The following PIGK variants were observed in gnomAD, a reference collection of about 807,000 sequenced individuals.
The protein encoded by PIGK is GPI-anchor transamidase.
Under a neutral mutation model 50.6 loss-of-function variants are expected in PIGK, and 42 were observed. The ratio of observed to expected loss-of-function variants is 0.83; its 90% CI spans 0.65 to 1.07. The LOEUF (loss-of-function observed/expected upper bound fraction) is 1.07. Ranked by LOEUF, PIGK falls within the 50% of genes least tolerant of loss-of-function variation. The pLI is 0.00. For missense variants in PIGK, 448 were observed against 488.7 expected (o/e 0.92, Z 0.78); for synonymous variants, 151 against 156.0 (o/e 0.97, Z 0.24).
intron 3 of PIGK, among the ~76,000 whole-genome samples, chr1:77,185,728 G>A (rs772712174): frequency 3.9e-5 from 6 of 152,182 alleles, no homozygotes; most frequent in Non-Finnish European, 5.9e-5. Flanking sequence ...TCTGCCACAT[G>A]GGCCATATGA....
intron 10 of PIGK, among the ~76,000 whole-genome samples, chr1:77,096,532 C>T (rs769794891): frequency 6.6e-6 from 1 of 152,168 alleles, no homozygotes. Context: ...AAAAAGCCTA[C>T]ACTTCCAGCT....
intron 3 of PIGK, among the ~76,000 whole-genome samples, chr1:77,191,563 C>G (rs1202757560): frequency 2.0e-5 from 3 of 152,220 alleles, no homozygotes; most frequent in African/African-American, 7.2e-5. Context: ...ATGCAAACAT[C>G]ACTAATATGC....
Position 77,169,297 on chromosome 1 carries a change from T to A in PIGK, c.338A>T (p.Tyr113Phe). The A allele has an allele frequency of 6.3e-7, 1 of 1,591,584 alleles. No homozygotes were observed. Among genetic ancestry groups the A allele is most frequent in the Non-Finnish European group, 8.6e-7 (1 of 1,166,522 alleles). ...ATAATCCACTTCCACATCATCTCCA[T>A]ACACATTTAGTTCCATATTCTTGTG... ...FSHKNMELNV[Y>F]GDDVEVDYRS... Residue 113 changes from tyrosine (Y) to phenylalanine (F), a missense_variant, in exon 4 of 11, where the codon TAT becomes TTT. Tyr to Phe is a conservative substitution (Grantham distance 22, BLOSUM62 3). Coordinates refer to ENST00000370812, the MANE Select transcript of PIGK (RefSeq NM_005482.3).
chr1:77,130,071 T>C (rs1407491772), intron 9 of PIGK, among the ~76,000 whole-genome samples: 1 of 151,764 alleles, frequency 6.6e-6, no homozygotes, highest in Non-Finnish European at 1.5e-5. Flanking sequence ...ATTTGGTTTG[T>C]CTTTTAAAAA....
intron 2 of PIGK, among the ~76,000 whole-genome samples, chr1:77,209,973 C>T (rs1656379104): frequency 6.6e-6 from 1 of 152,012 alleles, no homozygotes; most frequent in Admixed American, 6.6e-5. Context: ...AGGTGAAATT[C>T]ACAAAACAAA....
intron 3 of PIGK, among the ~76,000 whole-genome samples, chr1:77,202,403 C>G (rs773147969): frequency 6.6e-6 from 1 of 152,124 alleles, no homozygotes; most frequent in Non-Finnish European, 1.5e-5. Context: ...TGGATTGAAT[C>G]TGGACATCAG....
chr1:77,186,593 G>C (rs968197873), intron 3 of PIGK, among the ~76,000 whole-genome samples: 1 of 152,182 alleles, frequency 6.6e-6, no homozygotes, highest in Non-Finnish European at 1.5e-5. Context: ...CTCAGCAATG[G>C]GTGACTTCAG....
At chr1:77,148,243 A>T (rs1654814119) in intron 9 of PIGK, among the ~76,000 whole-genome samples, 1 of 152,164 alleles carries the variant, frequency 6.6e-6, no homozygotes. Flanking sequence ...ACCTACATAC[A>T]ATGAGATAAT....
At chr1:77,137,151 A>G (rs796119437) in intron 9 of PIGK, among the ~76,000 whole-genome samples, 3 of 152,302 alleles carry the variant, frequency 2.0e-5, no homozygotes, top group African/African-American at 7.2e-5. Context: ...TGCTTTTGGG[A>G]CCCATGGATA....
In PIGK at chr1:77,206,627, T is replaced by C; in HGVS notation, c.239+13A>G. The C allele has an allele frequency of 1.4e-6, 2 of 1,432,736 alleles. No individual in the cohort carries two copies. The highest frequency in any genetic ancestry group is 2.3e-5 in the South Asian group (2 of 86,550). 88.8% of individuals were successfully genotyped at this position (1,432,736 alleles called of 1,614,324 possible). ...ACTGAAGTTCAAGGTTAAGCTTTATTAAGGCTTCTTACCTGTCAGGAATAC... is the reference window on the plus strand; with the variant it reads ...ACTGAAGTTCAAGGTTAAGCTTTATCAAGGCTTCTTACCTGTCAGGAATAC... On this transcript the variant is annotated intron_variant, in intron 3 of 10. Transcript: ENST00000370812.
chr1:77,120,278 AATC>A (rs1654068640), intron 10 of PIGK, among the ~76,000 whole-genome samples: 1 of 152,208 alleles, frequency 6.6e-6, no homozygotes, highest in South Asian at 2.1e-4. Context: ...GCAGTGCCAC[AATC>A]TCAGCTCACT....
At chr1:77,213,789 C>A (rs1244033784) in intron 1 of PIGK, among the ~76,000 whole-genome samples, 1 of 151,908 alleles carries the variant, frequency 6.6e-6, no homozygotes, top group Non-Finnish European at 1.5e-5. Context: ...TATCAACAAA[C>A]CTTTAGCCAA....
At chr1:77,186,362 C>A (rs918217533) in intron 3 of PIGK, among the ~76,000 whole-genome samples, 1 of 152,252 alleles carries the variant, frequency 6.6e-6, no homozygotes, top group Non-Finnish European at 1.5e-5. Flanking sequence ...GTGGGCAGAA[C>A]TTCGAGCAGT....
chr1:77,121,745 A>G (rs1205826992), intron 10 of PIGK, among the ~76,000 whole-genome samples: 3 of 152,212 alleles, frequency 2.0e-5, no homozygotes, highest in Non-Finnish European at 4.4e-5. Context: ...CATGCTTACA[A>G]CACTGCCTTC....
intron 8 of PIGK, among the ~76,000 whole-genome samples, chr1:77,157,938 G>A (rs567456495): frequency 5.3e-5 from 8 of 152,204 alleles, no homozygotes; most frequent in African/African-American, 1.9e-4. Flanking sequence ...CACCTCCTTT[G>A]CCTTCCACAA....
chr1:77,115,998 T>C (rs961767760), intron 10 of PIGK, among the ~76,000 whole-genome samples: 8 of 152,154 alleles, frequency 5.3e-5, no homozygotes, highest in Admixed American at 3.3e-4. Context: ...GGGAAAACAA[T>C]AGATATTTCT....
At chr1:77,160,045 CAT>C (rs1243288393) in intron 8 of PIGK, among the ~76,000 whole-genome samples, 1 of 152,168 alleles carries the variant, frequency 6.6e-6, no homozygotes, top group South Asian at 2.1e-4. Flanking sequence ...ATAATTCCCA[CAT>C]GTCATGGGAG....
At chr1:77,200,785 T>C (rs966507038) in intron 3 of PIGK, among the ~76,000 whole-genome samples, 3 of 152,170 alleles carry the variant, frequency 2.0e-5, no homozygotes, top group Non-Finnish European at 4.4e-5. Context: ...AATATTTAAT[T>C]GACCTTAAGC....
At chr1:77,215,657 T>C (rs1017076441) in intron 1 of PIGK, among the ~76,000 whole-genome samples, 11 of 152,122 alleles carry the variant, frequency 7.2e-5, no homozygotes, top group Admixed American at 3.9e-4. Flanking sequence ...AACCAAGATA[T>C]AGCATCAACC....
Sources: gnomAD v4.1 joint callset for allele counts (sites outside exome capture counted in the v4.1 genomes callset) on GRCh38, gnomAD v4.1.1 for gene constraint, MANE v1.5 for transcripts, NCBI Gene and HGNC (gene_info 2026-07-23, HGNC 2026-07-21) for gene names.